Variants in WDFY3 observed in about 807,000 individuals in gnomAD.
The protein encoded by WDFY3 is WD repeat and FYVE domain-containing protein 3.
Under a neutral mutation model 409.6 loss-of-function variants are expected in WDFY3, and 66 were observed. That is an observed-to-expected ratio of 0.16 (90% CI 0.13 to 0.20). The LOEUF (loss-of-function observed/expected upper bound fraction) is 0.20, where lower values mean the gene tolerates loss of function less well. Ranked by LOEUF, WDFY3 falls within the 10% of genes least tolerant of loss-of-function variation. The pLI is 1.00. For missense variants in WDFY3, 3,031 were observed against 4,298.1 expected, an observed-to-expected ratio of 0.71 and a Z score of 8.24; for synonymous variants, 1,521 against 1,537.1, an observed-to-expected ratio of 0.99 and a Z score of 0.25.
chr4:84,702,242 C>T (rs1731176862), intron 56 of WDFY3, 111 bp downstream of exon 56: 1 of 1,193,178 alleles, frequency 8.4e-7, no homozygotes, highest in Non-Finnish European at 1.1e-6. Context: ...GAAACTGTAT[C>T]AAATTTTTTT....
intron 2 of WDFY3, among the ~76,000 whole-genome samples, chr4:84,901,280 T>C (rs1371190888): frequency 6.6e-6 from 1 of 152,154 alleles, no homozygotes; most frequent in East Asian, 1.9e-4. Flanking sequence ...TGGCAGTAAT[T>C]AGAGGTGGGG....
intron 21 of WDFY3, among the ~76,000 whole-genome samples, chr4:84,791,567 T>C (rs1748531284): frequency 1.3e-5 from 2 of 152,218 alleles, no homozygotes; most frequent in Non-Finnish European, 2.9e-5. Context: ...TTTTTGACAT[T>C]GATTTGGTTA....
intron 8 of WDFY3, among the ~76,000 whole-genome samples, chr4:84,830,803 A>G (rs995012433): frequency 5.9e-5 from 9 of 152,216 alleles, no homozygotes; most frequent in African/African-American, 2.2e-4. Flanking sequence ...TTTATTCAGT[A>G]AAAGAAGAGA....
chr4:84,868,959 G>C (rs1380607653), intron 3 of WDFY3, among the ~76,000 whole-genome samples: 1 of 152,174 alleles, frequency 6.6e-6, no homozygotes, highest in Non-Finnish European at 1.5e-5. Flanking sequence ...TTGTATAAAA[G>C]ATTTGCAAAA....
At chr4:84,942,631 G>A (rs1485945995) in intron 1 of WDFY3, among the ~76,000 whole-genome samples, 1 of 152,188 alleles carries the variant, frequency 6.6e-6, no homozygotes, top group Admixed American at 6.5e-5. Flanking sequence ...AGGAATGAAT[G>A]AGAAGAAACT....
chr4:84,810,032 T>C lies in WDFY3; in HGVS notation c.2200A>G (p.Met734Val), dbSNP rs1377962737. The change falls in exon 14 of 68, where the codon ATG becomes GTG. Residue 734 changes from methionine to valine, a missense_variant. This residue lies in a region of WDFY3 where 1,322 missense variants were observed against 1,697.9 expected (regional missense o/e 0.78). Coordinates refer to ENST00000295888, the MANE Select transcript of WDFY3 (RefSeq NM_014991.6). ...CFSDLRKISA[M>V]NVFPSNTQPF... is the part of the protein sequence containing the mutation. ...TGTGTATTTGAGGGGAAGACATTCA[T>C]GGCGCTTATTTTTCTTAGGTCTGAG... is the stretch of plus-strand genomic sequence containing the variant. 1.2e-6 allele frequency: 2 copies of C among 1,614,200 alleles called. No homozygotes were observed. The highest frequency in any genetic ancestry group is 2.2e-5 in the East Asian group (1 of 44,884).
At chr4:84,742,337 G>C (rs1159131148) in intron 37 of WDFY3, among the ~76,000 whole-genome samples, 1 of 152,180 alleles carries the variant, frequency 6.6e-6, no homozygotes, top group Non-Finnish European at 1.5e-5. Context: ...TAGCAGTGAA[G>C]TAACACAGAC....
At chr4:84,791,829 T>C (rs1748587940) in intron 21 of WDFY3, among the ~76,000 whole-genome samples, 1 of 152,206 alleles carries the variant, frequency 6.6e-6, no homozygotes, top group African/African-American at 2.4e-5. Context: ...ACTTCCTGAC[T>C]CCAATCTGGC....
intron 51 of WDFY3, among the ~76,000 whole-genome samples, chr4:84,711,089 G>A (rs376268782): frequency 3.9e-5 from 6 of 152,288 alleles, no homozygotes; most frequent in African/African-American, 1.4e-4. Context: ...TTTCTTGCAT[G>A]TTCTAATAAT....
At chr4:84,902,050 CT>C (rs1766413112) in intron 2 of WDFY3, among the ~76,000 whole-genome samples, 1 of 152,168 alleles carries the variant, frequency 6.6e-6, no homozygotes, top group East Asian at 1.9e-4. Context: ...GTTGTCAGCC[CT>C]TTTCACACAC....
intron 26 of WDFY3, among the ~76,000 whole-genome samples, chr4:84,779,011 C>T (rs1447326850): frequency 1.3e-5 from 2 of 151,906 alleles, no homozygotes; most frequent in Admixed American, 6.6e-5. Context: ...ATTGTATGCA[C>T]ATGATGGTAA....
At position 84,850,928 on chromosome 4, in the gene WDFY3, G is replaced by GTTTTTTTTTTTTTTTTTTTTTTTTTTTT. The variant is rs869074191; in HGVS notation, c.181-931_181-904dup. Among the ~76,000 whole-genome samples, 47 of 46,246 alleles carry GTTTTTTTTTTTTTTTTTTTTTTTTTTTT rather than the reference G, an allele frequency of 1.0e-3. 10 individuals carry two copies. Among genetic ancestry groups the GTTTTTTTTTTTTTTTTTTTTTTTTTTTT allele is most frequent in the African/African-American group, 1.8e-3 (19 of 10,820 alleles). The allele number at this position is 46,246 out of a possible 152,430, so 30.3% of individuals were successfully genotyped here. ...TTCTTATTTTTAATTTTATTTATCTGTTTTTTTTTTTTTTTTTTTTTTTTT... is the reference window on the plus strand; with the variant it reads ...TTCTTATTTTTAATTTTATTTATCTGTTTTTTTTTTTTTTTTTTTTTTTTTTTTTTTTTTTTTTTTTTTTTTTTTTTTT... On this transcript the variant is annotated intron_variant, in intron 4 of 67. Transcript: ENST00000295888.
chr4:84,929,649 C>T (rs1770483433), intron 2 of WDFY3, among the ~76,000 whole-genome samples: 1 of 152,114 alleles, frequency 6.6e-6, no homozygotes. Flanking sequence ...GTGGCTCACG[C>T]CTATAATCCC....
chr4:84,955,830 AATTCT>A (rs1774171987), intron 1 of WDFY3, among the ~76,000 whole-genome samples: 1 of 152,208 alleles, frequency 6.6e-6, no homozygotes, highest in African/African-American at 2.4e-5. Context: ...TACTTGTGGA[AATTCT>A]ATTTAAAGTG....
chr4:84,922,024 T>A (rs961732065), intron 2 of WDFY3, among the ~76,000 whole-genome samples: 1 of 151,864 alleles, frequency 6.6e-6, no homozygotes, highest in South Asian at 2.1e-4. Flanking sequence ...TTATTGTATA[T>A]AAAAATATAC....
intron 9 of WDFY3, among the ~76,000 whole-genome samples, chr4:84,828,313 ATTAAT>A (rs1755158575): frequency 2.0e-5 from 3 of 152,150 alleles, no homozygotes; most frequent in Non-Finnish European, 4.4e-5. Context: ...TTTTGAAATT[ATTAAT>A]TTGTTTCATA....
chr4:84,866,364 C>T (rs1467825354), intron 3 of WDFY3, among the ~76,000 whole-genome samples: 1 of 152,148 alleles, frequency 6.6e-6, no homozygotes, highest in Non-Finnish European at 1.5e-5. Context: ...TGCTGACTTC[C>T]CAAAGGTGGA....
At chr4:84,706,163 C>A (rs527486273) in intron 53 of WDFY3, among the ~76,000 whole-genome samples, 1 of 152,268 alleles carries the variant, frequency 6.6e-6, no homozygotes, top group East Asian at 1.9e-4. Context: ...AAAATTTACT[C>A]CCTGAGGATT....
At chr4:84,704,491 G>T in intron 54 of WDFY3, 47 bp from the exon 55 acceptor site, 1 of 1,437,028 alleles carries the variant, frequency 7.0e-7, no homozygotes, top group Non-Finnish European at 9.6e-7. Context: ...GAAGAAATAT[G>T]AAAAATAAAA....
Sources: allele counts gnomAD v4.1 joint callset (sites outside exome capture counted in the v4.1 genomes callset), GRCh38; gene constraint gnomAD v4.1.1; regional missense constraint gnomAD v4.1.1; transcripts MANE v1.5; gene names NCBI Gene and HGNC (gene_info 2026-07-23, HGNC 2026-07-21).